SLC7A13: variants seen among roughly 807,000 people sequenced by gnomAD.
SLC7A13 encodes the protein solute carrier family 7 member 13.
A neutral mutation model predicts 32.0 loss-of-function variants in SLC7A13; 31 were observed. The ratio of observed to expected loss-of-function variants is 0.97; its 90% CI spans 0.73 to 1.31. The LOEUF is 1.31. SLC7A13 is among the 50% of genes most tolerant of loss of function. The pLI is 0.00. For missense variants in SLC7A13, 633 were observed against 546.9 expected, an observed-to-expected ratio of 1.16 and a Z score of -1.57; for synonymous variants, 232 against 206.9, an observed-to-expected ratio of 1.12 and a Z score of -1.04.
rs4419794 is a variant in SLC7A13, at chr8:86,217,510, C to T, written c.1139G>A (p.Arg380Lys). The change falls in exon 3 of 4, where the codon AGG becomes AAG. Residue 380 changes from arginine (R) to lysine (K), a missense_variant. By Grantham distance (26) the Arg-to-Lys change is conservative. Transcript: ENST00000297524. ...TAGATTGGGTTCCTGGTATCTCCGC[C>T]TTAGTATTCCTATCATTAATAATAT... The part of the protein sequence containing the change: ...WSILLMIGIL[R>K]RRYQEPNLSI... 233,482 of 1,597,544 alleles carry T rather than the reference C, an allele frequency of 0.15. 20,846 individuals are homozygous for T. Among genetic ancestry groups the T allele is most frequent in the East Asian group, 0.32 (14,514 of 44,690 alleles).
chr8:86,215,686 ACT>A (rs930337901), intron 3 of SLC7A13: 1 of 447,668 alleles, frequency 2.2e-6, no homozygotes, highest in Non-Finnish European at 4.5e-6. Context: ...CAAGAATGAG[ACT>A]CTGTCTCAAA....
chr8:86,224,484 T>C (rs547692333), intron 1 of SLC7A13, among the ~76,000 whole-genome samples: 74 of 152,326 alleles, frequency 4.9e-4, no homozygotes, highest in Admixed American at 1.1e-3. Flanking sequence ...TCCTGTATGC[T>C]CTTGACCATT....
intron 1 of SLC7A13, among the ~76,000 whole-genome samples, chr8:86,226,302 C>T (rs1820387953): frequency 6.6e-6 from 1 of 152,178 alleles, no homozygotes; most frequent in Admixed American, 6.5e-5. Flanking sequence ...GAAATTGGCC[C>T]ATTTAATCAC....
In SLC7A13 at chr8:86,217,572, CA is replaced by C. The variant is rs770408485; in HGVS notation, c.1076del (p.Leu359Ter). 6.2e-6 allele frequency: 10 copies of C among 1,612,846 alleles called. No individual in the cohort carries two copies. The highest frequency in any genetic ancestry group is 7.6e-6 in the Non-Finnish European group (9 of 1,179,532). On this transcript the variant is annotated frameshift_variant, in exon 3 of 4. Coordinates refer to ENST00000297524, the MANE Select transcript of SLC7A13 (RefSeq NM_138817.3). LOFTEE classifies it high-confidence loss of function. ...LAIILTSLID[L>X]INYIFFTGSL... ...AACCCGTGAAAAAAATATAGTTTAT[CA>C]AATCAATTAGACTTGTTAAGATAAT...
rs554050443 is a variant in SLC7A13 at position 86,223,415 on chromosome 8, A to T, written c.686-312T>A. On this transcript the variant is annotated intron_variant, in intron 1 of 3. Coordinates refer to ENST00000297524, the MANE Select transcript of SLC7A13 (RefSeq NM_138817.3). The stretch of plus-strand genomic sequence containing the variant: ...TGTAGTTAATTATGAGTGAGAAGGT[A>T]TAATATTTCTTTCTATTTTTGAGTT... Among the ~76,000 whole-genome samples, 4 of 152,258 alleles carry T rather than the reference A, an allele frequency of 2.6e-5. No homozygotes were observed. In the South Asian group the frequency reaches 8.3e-4, roughly 32 times the overall value.
chr8:86,215,850 T>G (rs78405469), intron 3 of SLC7A13, among the ~76,000 whole-genome samples: 1 of 152,306 alleles, frequency 6.6e-6, no homozygotes, highest in Non-Finnish European at 1.5e-5. Context: ...CAGCCACTTG[T>G]ACTTAAGGCT....
chr8:86,226,084 C>G (rs6980575), intron 1 of SLC7A13, among the ~76,000 whole-genome samples: 3 of 152,104 alleles, frequency 2.0e-5, no homozygotes, highest in Non-Finnish European at 4.4e-5. Context: ...CTTTTGTTCA[C>G]CACTAGCGGC....
chr8:86,220,783 A>T (rs1488719082), intron 2 of SLC7A13, among the ~76,000 whole-genome samples: 2 of 151,976 alleles, frequency 1.3e-5, no homozygotes, highest in Non-Finnish European at 2.9e-5. Flanking sequence ...AGGGAGAATC[A>T]GTTGAGGTCA....
rs1820463283 is a variant in SLC7A13, at chr8:86,230,274, C to G, written c.4G>C (p.Asp2His). The G allele has an allele frequency of 1.3e-6, 2 of 1,555,910 alleles. No homozygotes were observed. The highest frequency in any genetic ancestry group is 4.1e-5 in the Admixed American group (2 of 48,502). M[D>H]RGEKIQLKRV... ...TTGAGCTGTATTTTCTCCCCTCTAT[C>G]CATTGTAATTGAAGAGTTTTAAAAT... Residue 2 changes from aspartate (D) to histidine (H), a missense_variant, in exon 1 of 4, where the codon GAT (aspartate) becomes CAT (histidine). Asp to His is a moderately conservative substitution (Grantham distance 81). Transcript: ENST00000297524.
Position 86,217,529 on chromosome 8 carries a change from A to G in SLC7A13, c.1120T>C (p.Leu374=). 2 of 1,608,356 alleles carry G rather than the reference A, an allele frequency of 1.2e-6. No individual in the cohort carries two copies. The highest frequency in any genetic ancestry group is 1.7e-4 in the Middle Eastern group (1 of 5,948). ...CTCCGCCTTAGTATTCCTATCATTA[A>G]TAATATAGACCATAATGAACCCGTG... is the stretch of plus-strand genomic sequence containing the variant. ...FFTGSLWSIL[L]MIGILRRRYQ... is the part of the protein sequence containing the mutation. The change falls in exon 3 of 4, where the codon TTA becomes CTA. Residue 374 remains leucine, a synonymous_variant. Transcript: ENST00000297524.
At position 86,223,041 on chromosome 8, in the gene SLC7A13, T is replaced by C; in HGVS notation, c.748A>G (p.Thr250Ala). 1 of 1,608,506 alleles carries C rather than the reference T, an allele frequency of 6.2e-7. No homozygotes were observed. The highest frequency in any genetic ancestry group is 8.5e-7 in the Non-Finnish European group (1 of 1,177,372). ...ATGTTAACCAGTAAATAAACTACAG[T>C]CACCAGAGGTAACGCAGTAAATATG... ...KCIFTALPLV[T>A]VVYLLVNISY... Residue 250 changes from threonine to alanine, a missense_variant, in exon 2 of 4, where the codon ACT (threonine) becomes GCT (alanine). By Grantham distance (58) the Thr-to-Ala change is moderately conservative. Coordinates refer to ENST00000297524, the MANE Select transcript of SLC7A13 (RefSeq NM_138817.3).
intron 2 of SLC7A13, among the ~76,000 whole-genome samples, chr8:86,218,506 A>C (rs1236696623): frequency 6.6e-6 from 1 of 152,114 alleles, no homozygotes; most frequent in Admixed American, 6.6e-5. Flanking sequence ...GGGAGGTAGG[A>C]GGTTGCTGCT....
At chr8:86,218,158 A>G (rs1386838752) in intron 2 of SLC7A13, among the ~76,000 whole-genome samples, 2 of 152,186 alleles carry the variant, frequency 1.3e-5, no homozygotes, top group African/African-American at 4.8e-5. Context: ...TAGGCTTTCA[A>G]TAAACACTTG....
chr8:86,215,501 C>T (rs1306664560), intron 3 of SLC7A13: 3 of 284,544 alleles, frequency 1.1e-5, no homozygotes, highest in Non-Finnish European at 2.1e-5. Flanking sequence ...GCCTGGGCAA[C>T]ATGGTGAAAC....
At position 86,214,474 on chromosome 8, in the gene SLC7A13, T is replaced by C; in HGVS notation, c.1352A>G (p.Lys451Arg). The C allele has an allele frequency of 6.2e-7, 1 of 1,612,208 alleles. No homozygotes were observed. Among genetic ancestry groups the C allele is most frequent in the Non-Finnish European group, 8.5e-7 (1 of 1,179,086 alleles). ...TAGTAATTGTAAATAGCAAGTCATC[T>C]TCTCAAACCAAGCCAATCTTATTTT... is the stretch of plus-strand genomic sequence containing the variant. ...HFKIRLAWFE[K>R]MTCYLQLLFN... Residue 451 changes from lysine (K) to arginine (R), a missense_variant, in exon 4 of 4, where the codon AAG becomes AGG. By Grantham distance (26) the Lys-to-Arg change is conservative (BLOSUM62 2). Transcript: ENST00000297524.
At chr8:86,216,411 T>C (rs922145642) in intron 3 of SLC7A13, among the ~76,000 whole-genome samples, 1 of 152,156 alleles carries the variant, frequency 6.6e-6, no homozygotes, top group Admixed American at 6.5e-5. Context: ...ACTGTCCAGA[T>C]AGATTATAAC....
Position 86,230,238 on chromosome 8 carries a change from C to T in SLC7A13, c.40G>A (p.Gly14Arg). ...AAAAAACTTGTGCCCCACCAATATC[C>T]AAACACTCTCTTGAGCTGTATTTTC... is the stretch of plus-strand genomic sequence containing the variant. Reference protein sequence around the residue: ...GEKIQLKRVFGYWWGTSFLLI... With the variant: ...GEKIQLKRVFRYWWGTSFLLI... Residue 14 changes from glycine to arginine, a missense_variant, in exon 1 of 4, where the codon GGA (glycine) becomes AGA (arginine). Transcript: ENST00000297524. 6.2e-7 allele frequency: 1 copy of T among 1,612,404 alleles called. No individual in the cohort carries two copies.
intron 2 of SLC7A13, among the ~76,000 whole-genome samples, chr8:86,222,455 T>G (rs1173191332): frequency 1.3e-5 from 2 of 152,176 alleles, no homozygotes; most frequent in African/African-American, 4.8e-5. Flanking sequence ...TTCCAATATG[T>G]TCAGGACACT....
rs372877765 is a variant in SLC7A13, at chr8:86,220,502, C to CTT, written c.817+2468_817+2469dup. Among the ~76,000 whole-genome samples the CTT allele has an allele frequency of 4.6e-3, 695 of 152,208 alleles. 5 individuals carry two copies. The highest frequency in any genetic ancestry group is 0.015 in the African/African-American group (635 of 41,542). ...AAAACATTACATGATTAATACCATT[C>CTT]TTTCTTTTTCTATCTAAACCACAAA... On this transcript the variant is annotated intron_variant, in intron 2 of 3. Coordinates refer to ENST00000297524, the MANE Select transcript of SLC7A13 (RefSeq NM_138817.3).
Sources: gnomAD v4.1 joint callset for allele counts (sites outside exome capture counted in the v4.1 genomes callset) on GRCh38, gnomAD v4.1.1 for gene constraint, MANE v1.5 for transcripts, NCBI Gene and HGNC (gene_info 2026-07-23, HGNC 2026-07-21) for gene names.